Variants in HOOK1 observed in about 807,000 individuals in gnomAD.
The protein encoded by HOOK1 is hook microtubule tethering protein 1.
HOOK1 carries 60 observed loss-of-function variants against 112.8 expected under a neutral mutation model. That is an observed-to-expected ratio of 0.53 (90% CI 0.43 to 0.66). The LOEUF (loss-of-function observed/expected upper bound fraction) is 0.66, where lower values mean the gene tolerates loss of function less well. Among genes scored for constraint, HOOK1 ranks in the 30% least tolerant of loss-of-function variants. The pLI, the probability that HOOK1 is intolerant of heterozygous loss-of-function variation, is 0.00. For missense variants in HOOK1, 770 were observed against 856.0 expected, an observed-to-expected ratio of 0.90 and a Z score of 1.25; for synonymous variants, 294 against 283.8, an observed-to-expected ratio of 1.04 and a Z score of -0.36.
intron 20 of HOOK1, 137 bp downstream of exon 20, chr1:59,868,488 TACAA>T (rs1245937732): frequency 1.5e-6 from 1 of 662,384 alleles, no homozygotes; most frequent in African/African-American, 1.8e-5. Context: ...GTGTGTTTAT[TACAA>T]AGCATCTCAC....
intron 20 of HOOK1, 189 bp from the exon 21 acceptor site, chr1:59,870,853 A>G (rs578144557): frequency 4.0e-6 from 2 of 495,958 alleles, no homozygotes; most frequent in African/African-American, 1.9e-5. Flanking sequence ...TTAGTCACAA[A>G]CCTTATTCTT....
intron 9 of HOOK1, among the ~76,000 whole-genome samples, chr1:59,843,805 A>G (rs958053226): frequency 6.6e-6 from 1 of 152,010 alleles, no homozygotes; most frequent in African/African-American, 2.4e-5. Context: ...ATAAAAACAA[A>G]ACCATTTAAA....
At chr1:59,815,849 A>C (rs1479562748) in intron 1 of HOOK1, among the ~76,000 whole-genome samples, 1 of 152,154 alleles carries the variant, frequency 6.6e-6, no homozygotes, top group Non-Finnish European at 1.5e-5. Context: ...TTCTTTAAAG[A>C]AAATGAGTTG....
chr1:59,858,589 CTT>C, intron 13 of HOOK1, 74 bp downstream of exon 13: 1 of 977,712 alleles, frequency 1.0e-6, no homozygotes, highest in Admixed American at 1.8e-5. Flanking sequence ...AAAATAAAAA[CTT>C]AACCTGTCAT....
chr1:59,852,090 T>C (rs915202747), intron 12 of HOOK1, among the ~76,000 whole-genome samples: 1 of 151,746 alleles, frequency 6.6e-6, no homozygotes, highest in Admixed American at 6.6e-5. Flanking sequence ...TGAAGATTTT[T>C]CCATCGGTAT....
rs1054561111 is a variant in HOOK1, at chr1:59,843,490, A to G, written c.680A>G (p.Glu227Gly). The change falls in exon 9 of 22, where the codon GAA (glutamate) becomes GGA (glycine). Residue 227 changes from glutamate (E) to glycine (G), a missense_variant. Glu to Gly is a moderately conservative substitution (Grantham distance 98). Around this residue, in one of 3 missense-constraint regions of HOOK1, gnomAD observed 655 missense variants for 725.9 expected, o/e 0.90. Transcript: ENST00000371208. ...GTTTCTGAAAATGAGATGATGAATG[A>G]AAAACTTGACCAGTTGGATGGCTCT... ...SLVSENEMMN[E>G]KLDQLDGSFD... is the part of the protein sequence containing the mutation. The G allele has an allele frequency of 1.9e-6, 3 of 1,611,300 alleles. No homozygotes were observed. Among genetic ancestry groups the G allele is most frequent in the East Asian group, 2.2e-5 (1 of 44,732 alleles).
chr1:59,848,203 A>G, intron 10 of HOOK1, 112 bp from the exon 11 acceptor site: 1 of 735,508 alleles, frequency 1.4e-6, no homozygotes, highest in South Asian at 2.2e-5. Flanking sequence ...ACTCACATTT[A>G]CTTTTCTTTT....
intron 7 of HOOK1, among the ~76,000 whole-genome samples, chr1:59,838,396 G>A (rs2098399150): frequency 6.6e-6 from 1 of 152,168 alleles, no homozygotes; most frequent in Non-Finnish European, 1.5e-5. Flanking sequence ...TCTAACTGGT[G>A]TGAGATAGTA....
At chr1:59,830,166 A>G (rs148583601) in intron 3 of HOOK1, among the ~76,000 whole-genome samples, 8 of 152,066 alleles carry the variant, frequency 5.3e-5, no homozygotes, top group Non-Finnish European at 1.2e-4. Flanking sequence ...AACAGCATGC[A>G]TTCTACAGTT....
intron 19 of HOOK1, among the ~76,000 whole-genome samples, chr1:59,867,090 G>A (rs1643979453): frequency 6.6e-6 from 1 of 152,142 alleles, no homozygotes; most frequent in Non-Finnish European, 1.5e-5. Flanking sequence ...TTAAAAGACA[G>A]TTGCTTGCTT....
At chr1:59,831,299 T>G (rs2098393798) in intron 3 of HOOK1, among the ~76,000 whole-genome samples, 2 of 152,330 alleles carry the variant, frequency 1.3e-5, no homozygotes, top group South Asian at 4.1e-4. Flanking sequence ...CCTTTAGGAC[T>G]AAAGTAGACT....
chr1:59,838,830 T>C (rs1256546892), intron 7 of HOOK1, among the ~76,000 whole-genome samples: 2 of 152,080 alleles, frequency 1.3e-5, no homozygotes, highest in African/African-American at 4.8e-5. Context: ...TATGGTCCTA[T>C]GTCTTACATT....
At chr1:59,854,011 TATATATATATATATATATATA>T (rs2098408712) in intron 12 of HOOK1, among the ~76,000 whole-genome samples, 3 of 18,300 alleles carry the variant, frequency 1.6e-4, no homozygotes, top group Non-Finnish European at 4.0e-4. Context: ...AATATATATA[TATATATATATATATATATATA>T]TATATATTTT....
At chr1:59,842,755 A>G (rs537815292) in intron 8 of HOOK1, among the ~76,000 whole-genome samples, 99 of 152,270 alleles carry the variant, frequency 6.5e-4, no homozygotes, top group African/African-American at 2.3e-3. Flanking sequence ...ATACATTTTT[A>G]AAGATGTTTT....
chr1:59,856,539 C>A (rs1023362722), intron 12 of HOOK1, among the ~76,000 whole-genome samples: 2 of 150,868 alleles, frequency 1.3e-5, no homozygotes, highest in African/African-American at 4.9e-5. Flanking sequence ...TGTTGAAAAT[C>A]TGACATTTAA....
chr1:59,831,184 G>C (rs2098393713), intron 3 of HOOK1, among the ~76,000 whole-genome samples: 1 of 152,072 alleles, frequency 6.6e-6, no homozygotes, highest in Non-Finnish European at 1.5e-5. Flanking sequence ...CTTTTGAGGA[G>C]TGTTGAATTT....
Position 59,853,276 on chromosome 1 carries a change from G to A in HOOK1, c.1242+4093G>A, listed in dbSNP as rs1187261994. Among the ~76,000 whole-genome samples the A allele has an allele frequency of 2.6e-5, 4 of 151,836 alleles. No homozygotes were observed. In the South Asian group the frequency reaches 8.3e-4, roughly 32 times the overall value. On this transcript the variant is annotated intron_variant, in intron 12 of 21. Coordinates refer to ENST00000371208, the MANE Select transcript of HOOK1 (RefSeq NM_015888.6). Reference sequence around the variant, plus strand: ...TTAATTCCGTCAGTTTTTACCTCATGTATTTTAGATCTGTGAGGTTCATTT... The same window carrying A: ...TTAATTCCGTCAGTTTTTACCTCATATATTTTAGATCTGTGAGGTTCATTT...
chr1:59,834,847 C>T (rs2098396433), intron 5 of HOOK1, among the ~76,000 whole-genome samples: 1 of 151,712 alleles, frequency 6.6e-6, no homozygotes, highest in Admixed American at 6.6e-5. Flanking sequence ...TTTTGTTGTC[C>T]TCTTTTATCT....
chr1:59,815,109 G>A lies in HOOK1; in HGVS notation c.-9G>A. 6.5e-7 allele frequency: 1 copy of A among 1,540,046 alleles called. No individual in the cohort carries two copies. The highest frequency in any genetic ancestry group is 8.7e-7 in the Non-Finnish European group (1 of 1,146,314). On this transcript the variant is annotated 5_prime_UTR_variant, in exon 1 of 22. Coordinates refer to ENST00000371208, the MANE Select transcript of HOOK1 (RefSeq NM_015888.6). Reference sequence around the variant, plus strand: ...GGTGTCCGCGGCGTCGTCGACGGCGGCGCCGGCCATGGAGGAGACGCAGCC... The same window carrying A: ...GGTGTCCGCGGCGTCGTCGACGGCGACGCCGGCCATGGAGGAGACGCAGCC...
Sources: gnomAD v4.1 joint callset for allele counts (sites outside exome capture counted in the v4.1 genomes callset) on GRCh38, gnomAD v4.1.1 for gene constraint, gnomAD v4.1.1 regional missense constraint, MANE v1.5 for transcripts, NCBI Gene and HGNC (gene_info 2026-07-23, HGNC 2026-07-21) for gene names.